The following USP12 variants were observed in gnomAD, a reference collection of about 807,000 sequenced individuals.
USP12 encodes ubiquitin specific peptidase 12.
In USP12, 19 loss-of-function variants were observed where a neutral mutation model predicts 45.5. The ratio of observed to expected loss-of-function variants is 0.42; its 90% CI spans 0.29 to 0.61. The LOEUF (loss-of-function observed/expected upper bound fraction) is 0.61, where lower values mean the gene tolerates loss of function less well. USP12 is among the 20% of genes least tolerant of loss of function. The pLI, the probability that USP12 is intolerant of heterozygous loss-of-function variation, is 0.22. For missense variants in USP12, 242 were observed against 447.7 expected, an observed-to-expected ratio of 0.54 and a Z score of 4.15; for synonymous variants, 149 against 148.8, an observed-to-expected ratio of 1.00 and a Z score of -0.01.
intron 1 of USP12, among the ~76,000 whole-genome samples, chr13:27,166,629 T>C (rs916997256): frequency 1.3e-5 from 2 of 152,160 alleles, no homozygotes; most frequent in African/African-American, 2.4e-5. Flanking sequence ...CCATATGATA[T>C]AAAATAAGAC....
intron 1 of USP12, among the ~76,000 whole-genome samples, chr13:27,148,675 A>T (rs904716943): frequency 2.6e-4 from 19 of 72,686 alleles, no homozygotes; most frequent in East Asian, 7.5e-4. Flanking sequence ...AAAAAAAAAA[A>T]TTATATATAT....
chr13:27,152,898 C>G (rs1877640219), intron 1 of USP12, among the ~76,000 whole-genome samples: 1 of 145,048 alleles, frequency 6.9e-6, no homozygotes, highest in Non-Finnish European at 1.5e-5. Flanking sequence ...GTGGATATCG[C>G]ACCACTGCAC....
chr13:27,154,296 T>C (rs948633083), intron 1 of USP12, among the ~76,000 whole-genome samples: 2 of 149,746 alleles, frequency 1.3e-5, no homozygotes, highest in African/African-American at 2.4e-5. Context: ...GCATATAGCA[T>C]AGGTTTTATT....
intron 2 of USP12, among the ~76,000 whole-genome samples, chr13:27,116,179 G>A (rs1297077664): frequency 6.6e-6 from 1 of 151,976 alleles, no homozygotes; most frequent in Non-Finnish European, 1.5e-5. Flanking sequence ...AGGCATGGTG[G>A]CAGGCGCCTG....
chr13:27,154,975 C>T (rs573590872), intron 1 of USP12, among the ~76,000 whole-genome samples: 4 of 151,406 alleles, frequency 2.6e-5, no homozygotes, highest in Non-Finnish European at 4.4e-5. Context: ...AAGAAACAGT[C>T]CCTCCTGCAG....
chr13:27,117,845 T>C (rs745931226), intron 1 of USP12: 3 of 517,302 alleles, frequency 5.8e-6, no homozygotes, highest in South Asian at 2.8e-5. Context: ...CCGACGACCA[T>C]GTGAAAGGGA....
chr13:27,089,170 T>C (rs1424342800), intron 6 of USP12, among the ~76,000 whole-genome samples: 1 of 152,194 alleles, frequency 6.6e-6, no homozygotes, highest in African/African-American at 2.4e-5. Flanking sequence ...ATCCTTCTTC[T>C]ATAAAGGACA....
chr13:27,118,454 C>T (rs1875842995), intron 1 of USP12, among the ~76,000 whole-genome samples: 1 of 152,068 alleles, frequency 6.6e-6, no homozygotes, highest in Non-Finnish European at 1.5e-5. Context: ...AGCAATATGT[C>T]ATAACAATAC....
chr13:27,099,087 AAAATGTAACTGTGGCTTCCTATTTG>A (rs1307422906), intron 3 of USP12, among the ~76,000 whole-genome samples: 3 of 152,196 alleles, frequency 2.0e-5, no homozygotes, highest in Non-Finnish European at 4.4e-5. Context: ...TAGTTCCCAT[AAAATGTAACTGTGGCTTCCTATTTG>A]GACATATATA....
At chr13:27,136,104 T>C (rs1876792176) in intron 1 of USP12, among the ~76,000 whole-genome samples, 2 of 152,208 alleles carry the variant, frequency 1.3e-5, no homozygotes, top group Non-Finnish European at 2.9e-5. Context: ...CCATGTTCTG[T>C]TTAACCCACT....
chr13:27,086,308 C>A (rs184375782), intron 6 of USP12, among the ~76,000 whole-genome samples: 6 of 122,612 alleles, frequency 4.9e-5, no homozygotes, highest in African/African-American at 1.5e-4. Flanking sequence ...CACACACACA[C>A]AATGCAGCAC....
chr13:27,069,736 T>C (rs1381045551), intron 8 of USP12, among the ~76,000 whole-genome samples: 1 of 152,140 alleles, frequency 6.6e-6, no homozygotes, highest in Admixed American at 6.5e-5. Context: ...TCACCTGGGG[T>C]CAGAAGTTCG....
chr13:27,142,129 C>T lies in USP12; in HGVS notation c.49-25533G>A, dbSNP rs184844296. Among the ~76,000 whole-genome samples, 147 of 152,226 alleles carry T rather than the reference C, an allele frequency of 9.7e-4. 1 individual carries two copies. The highest frequency in any genetic ancestry group is 3.5e-3 in the African/African-American group (145 of 41,530). ...AGAGCGAGACTCTGTCTCAAAAACA[C>T]ACACACAGACACACACACACGCAAT... On this transcript the variant is annotated intron_variant, in intron 1 of 8. Coordinates refer to ENST00000282344, the MANE Select transcript of USP12 (RefSeq NM_182488.4).
intron 1 of USP12, among the ~76,000 whole-genome samples, chr13:27,137,809 G>T (rs1407773799): frequency 6.6e-6 from 1 of 152,210 alleles, no homozygotes; most frequent in Non-Finnish European, 1.5e-5. Context: ...GTGACATAAT[G>T]TAAGACTCCA....
chr13:27,099,215 G>A (rs868365216), intron 3 of USP12, among the ~76,000 whole-genome samples: 6 of 152,174 alleles, frequency 3.9e-5, no homozygotes, highest in Admixed American at 1.3e-4. Context: ...GAGCACTCAG[G>A]GAAACTTCTA....
chr13:27,084,069 T>G (rs1873888520), intron 6 of USP12, among the ~76,000 whole-genome samples: 1 of 151,634 alleles, frequency 6.6e-6, no homozygotes, highest in Non-Finnish European at 1.5e-5. Context: ...TTCACCATGT[T>G]GGCCAGGCTG....
At chr13:27,070,349 G>A (rs566572722) in intron 8 of USP12, among the ~76,000 whole-genome samples, 6 of 151,976 alleles carry the variant, frequency 3.9e-5, no homozygotes, top group Non-Finnish European at 7.3e-5. Flanking sequence ...GGGGCCTGCT[G>A]CGGTGTTGAA....
At chr13:27,099,193 G>A (rs1874738780) in intron 3 of USP12, among the ~76,000 whole-genome samples, 1 of 152,200 alleles carries the variant, frequency 6.6e-6, no homozygotes, top group African/African-American at 2.4e-5. Flanking sequence ...GAGGAGCTGG[G>A]GAGGAAGCAG....
intron 2 of USP12, among the ~76,000 whole-genome samples, chr13:27,114,786 C>A (rs373938024): frequency 0.015 from 2,130 of 138,646 alleles, 57 homozygotes; most frequent in African/African-American, 0.054. Flanking sequence ...AAAAAAAAAA[C>A]AAACTTGAGC....
Sources: gnomAD v4.1 joint callset for allele counts (sites outside exome capture counted in the v4.1 genomes callset) on GRCh38, gnomAD v4.1.1 for gene constraint, MANE v1.5 for transcripts, NCBI Gene and HGNC (gene_info 2026-07-23, HGNC 2026-07-21) for gene names.